CCDC7: variants seen among roughly 807,000 people sequenced by gnomAD.
The protein encoded by CCDC7 is coiled-coil domain-containing protein 7.
CCDC7 carries 183 observed loss-of-function variants against 196.9 expected under a neutral mutation model. The ratio of observed to expected loss-of-function variants is 0.93; its 90% CI spans 0.82 to 1.05. The LOEUF (loss-of-function observed/expected upper bound fraction) is 1.05, where lower values mean the gene tolerates loss of function less well. CCDC7 is among the 50% of genes least tolerant of loss of function. The pLI is 0.00. For synonymous variants in CCDC7, 525 were observed against 484.6 expected (o/e 1.08, Z -1.10); for missense variants, 1,540 against 1,482.2 (o/e 1.04, Z -0.64).
chr10:32,589,563 C>G (rs1299770021), intron 18 of CCDC7, among the ~76,000 whole-genome samples: 1 of 152,028 alleles, frequency 6.6e-6, no homozygotes, highest in African/African-American at 2.4e-5. Flanking sequence ...CTGTAAATAT[C>G]TATTTGGTTT....
intron 9 of CCDC7, among the ~76,000 whole-genome samples, chr10:32,517,191 C>G (rs181621008): frequency 2.6e-5 from 4 of 152,220 alleles, no homozygotes; most frequent in Admixed American, 2.0e-4. Flanking sequence ...AAGATACTTA[C>G]TATTTAGTTC....
intron 11 of CCDC7, among the ~76,000 whole-genome samples, chr10:32,539,431 T>C (rs1369830713): frequency 1.4e-4 from 21 of 152,152 alleles, no homozygotes; most frequent in Admixed American, 1.4e-3. Context: ...TTTTTATTTG[T>C]GTAGCTAGTG....
chr10:32,723,147 C>G (rs1035191063), intron 25 of CCDC7, among the ~76,000 whole-genome samples: 1 of 152,082 alleles, frequency 6.6e-6, no homozygotes, highest in East Asian at 1.9e-4. Flanking sequence ...GTGGGAGAGC[C>G]CATCAATTTC....
intron 35 of CCDC7, 78 bp from the exon 37 acceptor site, chr10:32,845,798 C>CAAAA: frequency 1.5e-6 from 1 of 685,582 alleles, no homozygotes; most frequent in Non-Finnish European, 2.3e-6. Context: ...CACACACATA[C>CAAAA]ACACACACAC....
chr10:32,741,769 G>A (rs554762226), intron 28 of CCDC7, among the ~76,000 whole-genome samples: 7 of 152,020 alleles, frequency 4.6e-5, no homozygotes, highest in Non-Finnish European at 8.8e-5. Flanking sequence ...GAAAGAATAT[G>A]TTCAATTCTC....
chr10:32,676,799 GA>G (rs1465922691), intron 21 of CCDC7, among the ~76,000 whole-genome samples: 1 of 152,164 alleles, frequency 6.6e-6, no homozygotes, highest in South Asian at 2.1e-4. Context: ...ACCCATTGTG[GA>G]AGGCAGTGTG....
At chr10:32,873,440 T>A (rs2094499854) in intron 41 of CCDC7, among the ~76,000 whole-genome samples, 1 of 151,778 alleles carries the variant, frequency 6.6e-6, no homozygotes. Context: ...ATTCATCTAA[T>A]TTTTTTTCAA....
intron 18 of CCDC7, among the ~76,000 whole-genome samples, chr10:32,598,888 G>A (rs966385167): frequency 1.3e-5 from 2 of 152,150 alleles, no homozygotes; most frequent in African/African-American, 4.8e-5. Context: ...GTATTTTGCT[G>A]ATGTTGGGTG....
chr10:32,881,842 A>G (rs10827151), downstream of CCDC7, among the ~76,000 whole-genome samples: 20,896 of 152,122 alleles, frequency 0.14, 1,741 homozygotes, highest in East Asian at 0.25. Context: ...TGTGGATACA[A>G]TCTCGCCTGT....
At chr10:32,506,032 C>T (rs1313272064) in intron 9 of CCDC7, among the ~76,000 whole-genome samples, 37 of 135,962 alleles carry the variant, frequency 2.7e-4, no homozygotes, top group East Asian at 1.2e-3. Flanking sequence ...CCATTTGGGG[C>T]GGCTGGGCAG....
At chr10:32,808,430 T>G (rs1209252651) in intron 30 of CCDC7, among the ~76,000 whole-genome samples, 1 of 152,146 alleles carries the variant, frequency 6.6e-6, no homozygotes, top group Admixed American at 6.5e-5. Flanking sequence ...TCCTGGAGGA[T>G]GAACTCAGCT....
chr10:32,657,464 T>C (rs752590273), intron 20 of CCDC7, among the ~76,000 whole-genome samples: 7 of 152,220 alleles, frequency 4.6e-5, no homozygotes, highest in Non-Finnish European at 7.3e-5. Flanking sequence ...CAAAACCATG[T>C]GGAAGCTGCC....
chr10:32,543,213 T>C lies in CCDC7; in HGVS notation c.994-87T>C, dbSNP rs1370429644. ...TTGTATAGTGACTCTCAGAGTAAAATGTACATTAATAATGTATATTATCAT... is the reference window on the plus strand; with the variant it reads ...TTGTATAGTGACTCTCAGAGTAAAACGTACATTAATAATGTATATTATCAT... On this transcript the variant is annotated intron_variant, in intron 11 of 41. Coordinates refer to ENST00000639629, the Ensembl canonical transcript of CCDC7. 3.4e-6 allele frequency: 4 copies of C among 1,163,330 alleles called. No individual in the cohort carries two copies. In the African/African-American group the frequency reaches 4.9e-5, roughly 14 times the overall value. 72.1% of individuals were successfully genotyped at this position (1,163,330 alleles called of 1,614,324 possible).
intron 18 of CCDC7, among the ~76,000 whole-genome samples, chr10:32,593,113 A>G (rs897053962): frequency 1.3e-5 from 2 of 152,206 alleles, no homozygotes; most frequent in Admixed American, 6.5e-5. Flanking sequence ...AGATCCTTGA[A>G]GAATCGCCAC....
intron 25 of CCDC7, among the ~76,000 whole-genome samples, chr10:32,725,784 A>G (rs2083033571): frequency 6.6e-6 from 1 of 151,948 alleles, no homozygotes; most frequent in African/African-American, 2.4e-5. Context: ...TCATTACCAT[A>G]GAGAGGGCAC....
chr10:32,692,464 T>C (rs954463027), intron 23 of CCDC7, among the ~76,000 whole-genome samples: 4 of 152,208 alleles, frequency 2.6e-5, no homozygotes, highest in Admixed American at 2.6e-4. Flanking sequence ...TTCTAAGAGA[T>C]GATTGATTGA....
At chr10:32,774,357 G>A (rs1337686266) in intron 28 of CCDC7, among the ~76,000 whole-genome samples, 1 of 152,008 alleles carries the variant, frequency 6.6e-6, no homozygotes, top group Admixed American at 6.6e-5. Context: ...AATGTTCCAT[G>A]GGACAGGACT....
chr10:32,653,432 G>C (rs929834992), intron 20 of CCDC7, among the ~76,000 whole-genome samples: 1 of 152,134 alleles, frequency 6.6e-6, no homozygotes, highest in African/African-American at 2.4e-5. Context: ...GTGCCACTTC[G>C]GTTTGGGGGA....
At chr10:32,546,380 G>T (rs2947069) in intron 13 of CCDC7, among the ~76,000 whole-genome samples, 2 of 152,044 alleles carry the variant, frequency 1.3e-5, no homozygotes, top group Non-Finnish European at 2.9e-5. Context: ...AAATATCTGT[G>T]GAGTGTGGTA....
Sources: allele counts gnomAD v4.1 joint callset (sites outside exome capture counted in the v4.1 genomes callset), GRCh38; gene constraint gnomAD v4.1.1; transcripts MANE v1.5; gene names NCBI Gene and HGNC (gene_info 2026-07-23, HGNC 2026-07-21).